Variants in ALPK1 observed in about 807,000 individuals in gnomAD.
ALPK1 encodes alpha kinase 1.
Under a neutral mutation model 120.6 loss-of-function variants are expected in ALPK1, and 110 were observed. The ratio of observed to expected loss-of-function variants is 0.91; its 90% CI spans 0.78 to 1.07. The LOEUF is 1.07. Ranked by LOEUF, ALPK1 falls within the 50% of genes least tolerant of loss-of-function variation. The pLI is 0.00. For synonymous variants in ALPK1, 582 were observed against 560.3 expected, an observed-to-expected ratio of 1.04 and a Z score of -0.55; for missense variants, 1,498 against 1,483.9, an observed-to-expected ratio of 1.01 and a Z score of -0.16.
At chr4:112,405,611 T>C (rs543268036) in intron 4 of ALPK1, among the ~76,000 whole-genome samples, 2 of 152,276 alleles carry the variant, frequency 1.3e-5, no homozygotes, top group African/African-American at 4.8e-5. Flanking sequence ...AGTCTTGCTG[T>C]GTCACCCAAG....
intron 2 of ALPK1, among the ~76,000 whole-genome samples, chr4:112,323,388 C>A (rs932747619): frequency 6.6e-6 from 1 of 152,122 alleles, no homozygotes; most frequent in South Asian, 2.1e-4. Context: ...ATTTGCCTGT[C>A]ATCTCTAGTA....
chr4:112,421,024 G>T (rs1733969659), intron 5 of ALPK1, among the ~76,000 whole-genome samples: 1 of 152,048 alleles, frequency 6.6e-6, no homozygotes, highest in African/African-American at 2.4e-5. Context: ...GTAGAGACGG[G>T]GTTTCACCAT....
chr4:112,321,632 A>G (rs1728870595), intron 2 of ALPK1, among the ~76,000 whole-genome samples: 2 of 152,194 alleles, frequency 1.3e-5, no homozygotes, highest in Non-Finnish European at 1.5e-5. Flanking sequence ...AGGTTATTTA[A>G]TTTCCATGTA....
At chr4:112,382,761 A>G in intron 4 of ALPK1, 1 of 621,544 alleles carries the variant, frequency 1.6e-6, no homozygotes, top group Non-Finnish European at 2.7e-6. Flanking sequence ...AAATCCAGTA[A>G]AAGTGAAGAG....
chr4:112,338,557 A>G (rs9307380), intron 2 of ALPK1, among the ~76,000 whole-genome samples: 102,240 of 152,014 alleles, frequency 0.67, 34,846 homozygotes, highest in East Asian at 0.89. Flanking sequence ...GGAAAAGCCT[A>G]CAGAAAAGAT....
chr4:112,382,013 G>A (rs1560662731), intron 3 of ALPK1, among the ~76,000 whole-genome samples: 1 of 152,194 alleles, frequency 6.6e-6, no homozygotes, highest in Admixed American at 6.5e-5. Flanking sequence ...TCATCCACCT[G>A]CCACAAGCCC....
chr4:112,412,053 G>GC, intron 5 of ALPK1, 28 bp downstream of exon 5: 1 of 1,611,528 alleles, frequency 6.2e-7, no homozygotes, highest in South Asian at 1.1e-5. Flanking sequence ...GGCCGCCCCC[G>GC]CGTCCTCAGT....
intron 2 of ALPK1, chr4:112,356,017 G>T (rs1382828770): frequency 1.0e-5 from 7 of 680,738 alleles, no homozygotes; most frequent in African/African-American, 1.8e-5. Context: ...CAGTGTGCAT[G>T]CTCGCATCAC....
intron 1 of ALPK1, among the ~76,000 whole-genome samples, chr4:112,313,667 G>A (rs1728514094): frequency 6.6e-6 from 1 of 152,208 alleles, no homozygotes; most frequent in South Asian, 2.1e-4. Flanking sequence ...AGGTTGCAGT[G>A]AGTCAAGATT....
At chr4:112,339,339 A>C (rs1729759871) in intron 2 of ALPK1, among the ~76,000 whole-genome samples, 1 of 152,236 alleles carries the variant, frequency 6.6e-6, no homozygotes, top group Non-Finnish European at 1.5e-5. Flanking sequence ...TCTTGCTTTG[A>C]TATCATAGGA....
At chr4:112,357,399 C>T in intron 2 of ALPK1, 1 of 692,212 alleles carries the variant, frequency 1.4e-6, no homozygotes, top group Non-Finnish European at 2.6e-6. Flanking sequence ...CACATCCATC[C>T]TGATGCCAGT....
chr4:112,332,377 A>C (rs1019010852), intron 2 of ALPK1, among the ~76,000 whole-genome samples: 4 of 152,236 alleles, frequency 2.6e-5, no homozygotes, highest in Non-Finnish European at 5.9e-5. Context: ...TATACTCCAG[A>C]TCTCTAGACC....
chr4:112,438,154 G>A (rs561400252), intron 12 of ALPK1, among the ~76,000 whole-genome samples: 1 of 152,300 alleles, frequency 6.6e-6, no homozygotes, highest in African/African-American at 2.4e-5. Context: ...GGAGTGGAAG[G>A]TTTTGACTCC....
intron 2 of ALPK1, chr4:112,352,965 C>A (rs1390086393): frequency 2.4e-5 from 3 of 124,582 alleles, no homozygotes; most frequent in Non-Finnish European, 4.9e-5. Context: ...CCTTTCCTTT[C>A]CTTTCCTTTT....
At chr4:112,353,523 C>T (rs1730457636) in intron 2 of ALPK1, among the ~76,000 whole-genome samples, 1 of 152,158 alleles carries the variant, frequency 6.6e-6, no homozygotes, top group Admixed American at 6.5e-5. Flanking sequence ...GTAACTAACA[C>T]TGACTGTTCT....
intron 2 of ALPK1, among the ~76,000 whole-genome samples, chr4:112,354,536 T>G (rs533740253): frequency 6.6e-6 from 1 of 152,324 alleles, no homozygotes; most frequent in South Asian, 2.1e-4. Flanking sequence ...GGCATAATCT[T>G]GGCTCACTGC....
Position 112,430,883 on chromosome 4 carries a change from T to C in ALPK1, c.1336T>C (p.Leu446=). Residue 446 remains leucine (L), a synonymous_variant, in exon 11 of 16, where the codon TTG becomes CTG. Coordinates refer to ENST00000650871, the MANE Select transcript of ALPK1 (RefSeq NM_025144.4). The part of the protein sequence containing the change: ...SFECRLDKLI[L]HGQGDFQKIL... ...CGAGTGCAGGTTGGATAAACTTATCTTGCATGGGCAAGGGGATTTCCAAAA... is the reference window on the plus strand; with the variant it reads ...CGAGTGCAGGTTGGATAAACTTATCCTGCATGGGCAAGGGGATTTCCAAAA... 6.2e-7 allele frequency: 1 copy of C among 1,614,208 alleles called. No homozygotes were observed. The highest frequency in any genetic ancestry group is 1.3e-5 in the African/African-American group (1 of 75,066).
At chr4:112,379,310 T>G (rs1731798002) in intron 3 of ALPK1, among the ~76,000 whole-genome samples, 1 of 152,234 alleles carries the variant, frequency 6.6e-6, no homozygotes, top group Non-Finnish European at 1.5e-5. Context: ...ATCACTAAAT[T>G]AGACATGGCC....
chr4:112,341,585 T>G (rs140629342), intron 2 of ALPK1, among the ~76,000 whole-genome samples: 2,598 of 152,232 alleles, frequency 0.017, 44 homozygotes, highest in Middle Eastern at 0.034. Context: ...GCTTTTAAAT[T>G]TATTGATCTT....
Sources: gnomAD v4.1 joint callset for allele counts (sites outside exome capture counted in the v4.1 genomes callset) on GRCh38, gnomAD v4.1.1 for gene constraint, MANE v1.5 for transcripts, NCBI Gene and HGNC (gene_info 2026-07-23, HGNC 2026-07-21) for gene names.